Variants in GOLGA8B observed in about 807,000 individuals in gnomAD.
GOLGA8B encodes the protein golgin A8 family member B, also known as golgin subfamily A member 8B.
In GOLGA8B, 1 loss-of-function variant was observed where a neutral mutation model predicts 15.6. The ratio of observed to expected loss-of-function variants is 0.06; its 90% CI spans 0.02 to 0.30. GOLGA8B has a LOEUF of 0.30. Among genes scored for constraint, GOLGA8B ranks in the 10% least tolerant of loss-of-function variants. GOLGA8B has a pLI of 1.00. For synonymous variants in GOLGA8B, 9 were observed against 80.3 expected, an observed-to-expected ratio of 0.11 and a Z score of 4.75; for missense variants, 17 against 201.3, an observed-to-expected ratio of 0.08 and a Z score of 5.54.
At chr15:34,581,060 T>C (rs989658053) in intron 1 of GOLGA8B, among the ~76,000 whole-genome samples, 33 of 152,270 alleles carry the variant, frequency 2.2e-4, no homozygotes, top group African/African-American at 5.8e-4. Context: ...GCCGAAGACA[T>C]TGAAGCCACC....
intron 1 of GOLGA8B, among the ~76,000 whole-genome samples, chr15:34,580,709 G>A (rs1889204252): frequency 1.3e-5 from 2 of 152,110 alleles, no homozygotes; most frequent in Non-Finnish European, 2.9e-5. Context: ...TCTGGGAAAG[G>A]AAAGAGCCGG....
chr15:34,569,300 A>G (rs1888842214), intron 1 of GOLGA8B, among the ~76,000 whole-genome samples: 1 of 148,282 alleles, frequency 6.7e-6, no homozygotes. Flanking sequence ...GGAAGACGAC[A>G]AACTAACAAA....
chr15:34,576,323 G>T (rs573097620), intron 1 of GOLGA8B, among the ~76,000 whole-genome samples: 4 of 152,196 alleles, frequency 2.6e-5, no homozygotes, highest in African/African-American at 4.8e-5. Flanking sequence ...GCACAGGCAC[G>T]CCTGTGATCA....
Position 34,527,074 on chromosome 15 carries a change from G to A in GOLGA8B, c.*558C>T, listed in dbSNP as rs1330752596. ...GAAAATGGAGGAAAGGCTGTTTCCA[G>A]TTCTCGGCCTTTAAACAGCTCTAAG... On this transcript the variant is annotated 3_prime_UTR_variant, in exon 24 of 24. Transcript: ENST00000683415. 5.8e-6 allele frequency: 1 copy of A among 173,010 alleles called. No homozygotes were observed. Among genetic ancestry groups the A allele is most frequent in the Non-Finnish European group, 1.2e-5 (1 of 82,130 alleles). The allele number at this position is 173,010 out of a possible 1,614,324, so 10.7% of individuals were successfully genotyped here. A position where few individuals can be genotyped will look rare whatever the true frequency, so the allele number is the denominator to read the frequency against.
At chr15:34,548,757 TTTCG>T (rs1180883235) in intron 4 of GOLGA8B, among the ~76,000 whole-genome samples, 4 of 16,014 alleles carry the variant, frequency 2.5e-4, no homozygotes, top group African/African-American at 8.6e-4. Context: ...CCCACTCCCT[TTTCG>T]TTTGTTTGTT....
chr15:34,570,257 C>T (rs958694876), intron 1 of GOLGA8B, among the ~76,000 whole-genome samples: 3 of 149,088 alleles, frequency 2.0e-5, no homozygotes. Flanking sequence ...GAGCCCCCTG[C>T]CTGAGGCCAA....
chr15:34,580,436 G>A (rs1314834054), intron 1 of GOLGA8B, among the ~76,000 whole-genome samples: 1 of 152,102 alleles, frequency 6.6e-6, no homozygotes, highest in Non-Finnish European at 1.5e-5. Flanking sequence ...CCTCACAGCC[G>A]GCACAGAAAT....
At chr15:34,529,934 G>GT in intron 17 of GOLGA8B, 33 bp downstream of exon 17, 2 of 2,124 alleles carry the variant, frequency 9.4e-4, no homozygotes, top group Non-Finnish European at 2.1e-3. Context: ...GTGGGGGGGG[G>GT]GTGGGGCGGG....
chr15:34,580,264 G>A (rs142632631), intron 1 of GOLGA8B, among the ~76,000 whole-genome samples: 242 of 152,334 alleles, frequency 1.6e-3, no homozygotes, highest in African/African-American at 5.5e-3. Context: ...CCTGGAGCCA[G>A]GAGAGCCTGG....
intron 1 of GOLGA8B, among the ~76,000 whole-genome samples, chr15:34,581,982 C>T (rs1266024866): frequency 6.6e-6 from 1 of 152,182 alleles, no homozygotes; most frequent in African/African-American, 2.4e-5. Context: ...TATCTGCTCA[C>T]GCCCTGGACA....
intron 1 of GOLGA8B, 110 bp downstream of exon 1, chr15:34,583,406 T>C (rs1889303705): frequency 6.6e-6 from 1 of 150,744 alleles, no homozygotes; most frequent in Non-Finnish European, 1.5e-5. Flanking sequence ...CGGGAGCTCT[T>C]GGCCTGCAGC....
rs1059888 is a variant in GOLGA8B at position 34,526,119 on chromosome 15, C to A, written c.*1513G>T. 2 of 149,908 alleles carry A rather than the reference C, an allele frequency of 1.3e-5. No homozygotes were observed. Among genetic ancestry groups the A allele is most frequent in the South Asian group, 2.1e-4 (1 of 4,692 alleles). The allele number at this position is 149,908 out of a possible 1,614,324, so 9.3% of individuals were successfully genotyped here. A position where few individuals can be genotyped will look rare whatever the true frequency, so the allele number is the denominator to read the frequency against. On this transcript the variant is annotated 3_prime_UTR_variant, in exon 24 of 24. Transcript: ENST00000683415. Reference sequence around the variant, plus strand: ...GCACAAAATATGTCCCTGACTGAAACTGAGAGGTACAAAAACATATTTCAC... The same window carrying A: ...GCACAAAATATGTCCCTGACTGAAAATGAGAGGTACAAAAACATATTTCAC...
Position 34,583,539 on chromosome 15 carries a change from C to CG in GOLGA8B, c.-1147dup, listed in dbSNP as rs1889309412. 1 of 152,030 alleles carries CG rather than the reference C, an allele frequency of 6.6e-6. No homozygotes were observed. The highest frequency in any genetic ancestry group is 2.4e-5 in the African/African-American group (1 of 41,392). 9.4% of individuals were successfully genotyped at this position (152,030 alleles called of 1,614,324 possible). ...ACCTGGCCAGGGCGCGGGGCTGCCCCGGTCCGCCGCCGTCCTCGCCCCGCA... is the reference window on the plus strand; with the variant it reads ...ACCTGGCCAGGGCGCGGGGCTGCCCCGGGTCCGCCGCCGTCCTCGCCCCGCA... On this transcript the variant is annotated 5_prime_UTR_variant, in exon 1 of 24. Coordinates refer to ENST00000683415, the MANE Select transcript of GOLGA8B (RefSeq NM_001023567.5).
intron 1 of GOLGA8B, among the ~76,000 whole-genome samples, chr15:34,581,839 G>C (rs1347886213): frequency 6.6e-6 from 1 of 152,126 alleles, no homozygotes; most frequent in Non-Finnish European, 1.5e-5. Flanking sequence ...CAAATGAGAG[G>C]GAAGACTTGG....
chr15:34,581,052 C>T (rs1252946085), intron 1 of GOLGA8B, among the ~76,000 whole-genome samples: 4 of 152,152 alleles, frequency 2.6e-5, no homozygotes, highest in Admixed American at 2.0e-4. Context: ...TGATCTCTGC[C>T]GAAGACATTG....
At chr15:34,581,516 A>G (rs1249523423) in intron 1 of GOLGA8B, 4 of 152,088 alleles carry the variant, frequency 2.6e-5, no homozygotes, top group Non-Finnish European at 4.4e-5. Flanking sequence ...CTGGATATTT[A>G]TGCAGCTCCA....
intron 1 of GOLGA8B, among the ~76,000 whole-genome samples, chr15:34,577,504 T>TCACACACA (rs1215412104): frequency 9.9e-6 from 1 of 100,624 alleles, no homozygotes; most frequent in Non-Finnish European, 2.0e-5. Context: ...AAATTATATA[T>TCACACACA]CATACACACA....
At chr15:34,576,697 C>T (rs1394342033) in intron 1 of GOLGA8B, among the ~76,000 whole-genome samples, 2 of 152,242 alleles carry the variant, frequency 1.3e-5, no homozygotes, top group South Asian at 2.1e-4. Context: ...CCCATTCAGT[C>T]CTGCCTCAGG....
chr15:34,575,382 C>G (rs1032618400), intron 1 of GOLGA8B, among the ~76,000 whole-genome samples: 1 of 151,594 alleles, frequency 6.6e-6, no homozygotes, highest in Admixed American at 6.6e-5. Context: ...CGTCTTCCTC[C>G]CATGCTCTGA....
Sources: gnomAD v4.1 joint callset for allele counts (sites outside exome capture counted in the v4.1 genomes callset) on GRCh38, gnomAD v4.1.1 for gene constraint, MANE v1.5 for transcripts, NCBI Gene and HGNC (gene_info 2026-07-23, HGNC 2026-07-21) for gene names.